Variants in SLC43A2 observed in about 807,000 individuals in gnomAD.
SLC43A2 encodes the protein large neutral amino acids transporter small subunit 4.
Under a neutral mutation model 63.2 loss-of-function variants are expected in SLC43A2, and 38 were observed. The observed-to-expected ratio is 0.60, with a 90% CI of 0.46 to 0.79. The LOEUF (loss-of-function observed/expected upper bound fraction) is 0.79, where lower values mean the gene tolerates loss of function less well. Ranked by LOEUF, SLC43A2 falls within the 30% of genes least tolerant of loss-of-function variation. The pLI, the probability that SLC43A2 is intolerant of heterozygous loss-of-function variation, is 0.00. For missense variants in SLC43A2, 644 were observed against 756.2 expected (o/e 0.85, Z 1.74); for synonymous variants, 322 against 331.0 (o/e 0.97, Z 0.30).
Position 1,622,698 on chromosome 17 carries a change from G to T in SLC43A2, c.160+5017C>A, listed in dbSNP as rs183962431. On this transcript the variant is annotated intron_variant, in intron 2 of 13. Coordinates refer to ENST00000301335, the MANE Select transcript of SLC43A2 (RefSeq NM_152346.3). ...GGAGGCCAAGGCTGGTAGATCACCT[G>T]AGGTCAGGAGTTTGAGACCAGCCTG... Among the ~76,000 whole-genome samples the T allele has an allele frequency of 3.5e-3, 527 of 152,246 alleles. 2 individuals carry two copies. The highest frequency in any genetic ancestry group is 0.011 in the African/African-American group (472 of 41,544).
rs1173226582 is a variant in SLC43A2, at chr17:1,569,839, A to G, written c.*5765T>C. ...GAGTTTCTTAAGGCTTTGCTCGGAGAGGGCTTCGGAGAAGGGTGGGGTCAG... is the reference window on the plus strand; with the variant it reads ...GAGTTTCTTAAGGCTTTGCTCGGAGGGGGCTTCGGAGAAGGGTGGGGTCAG... On this transcript the variant is annotated 3_prime_UTR_variant, in exon 14 of 14. Transcript: ENST00000301335. The G allele has an allele frequency of 1.4e-5, 2 of 146,230 alleles. No homozygotes were observed. Among genetic ancestry groups the G allele is most frequent in the African/African-American group, 5.1e-5 (2 of 39,578 alleles). 9.1% of individuals were successfully genotyped at this position (146,230 alleles called of 1,614,324 possible).
At chr17:1,586,946 TA>T in intron 9 of SLC43A2, 1 of 452,454 alleles carries the variant, frequency 2.2e-6, no homozygotes. Context: ...ACCCCCCGCT[TA>T]CCCGTGGCCA....
intron 12 of SLC43A2, 94 bp from the exon 13 acceptor site, chr17:1,576,814 G>A: frequency 6.8e-7 from 1 of 1,474,282 alleles, no homozygotes; most frequent in Non-Finnish European, 9.0e-7. Flanking sequence ...GTTGGTGCCA[G>A]AGAAGGGTGG....
chr17:1,623,641 T>C (rs565265803), intron 2 of SLC43A2, among the ~76,000 whole-genome samples: 379 of 141,148 alleles, frequency 2.7e-3, no homozygotes, highest in African/African-American at 0.01. Context: ...TCCTCCAGGC[T>C]GTACCCTCCT....
chr17:1,598,420 CAA>C (rs58628614), intron 5 of SLC43A2, among the ~76,000 whole-genome samples: 37 of 121,818 alleles, frequency 3.0e-4, no homozygotes, highest in African/African-American at 3.5e-4. Context: ...GACTCTGTCT[CAA>C]AAAAAAAAAA....
At chr17:1,590,076 G>C (rs754963233) in intron 9 of SLC43A2, among the ~76,000 whole-genome samples, 1 of 152,132 alleles carries the variant, frequency 6.6e-6, no homozygotes, top group Non-Finnish European at 1.5e-5. Context: ...GGAAACCATC[G>C]GAAAAAGTGG....
chr17:1,591,695 A>G lies in SLC43A2; in HGVS notation c.599T>C (p.Ile200Thr), dbSNP rs2151045533. ...GATGAAGGAGACACCAGCATCATAG[A>G]TGAGCTGACAGGCACCGCGGGGACG... ...SAVTFPGIKL[I>T]YDAGVSFIVV... Residue 200 changes from isoleucine (I) to threonine (T), a missense_variant, in exon 7 of 14, where the codon ATC becomes ACC. Ile to Thr is a moderately conservative substitution (Grantham distance 89, BLOSUM62 -1). Around this residue, in one of 3 missense-constraint regions of SLC43A2, gnomAD observed 528 missense variants for 623.6 expected, o/e 0.85. Coordinates refer to ENST00000301335, the MANE Select transcript of SLC43A2 (RefSeq NM_152346.3). 6.6e-6 allele frequency: 6 copies of G among 913,190 alleles called. No homozygotes were observed. In the East Asian group the frequency reaches 3.2e-4, roughly 49 times the overall value. The allele number at this position is 913,190 out of a possible 1,614,324, so 56.6% of individuals were successfully genotyped here. A position where few individuals can be genotyped will look rare whatever the true frequency, so the allele number is the denominator to read the frequency against.
At chr17:1,596,885 A>G (rs1905327811) in intron 5 of SLC43A2, among the ~76,000 whole-genome samples, 1 of 152,388 alleles carries the variant, frequency 6.6e-6, no homozygotes, top group East Asian at 1.9e-4. Context: ...AATCAAAGCC[A>G]CAATGAGATA....
At chr17:1,611,344 C>G (rs1229961869) in intron 5 of SLC43A2, among the ~76,000 whole-genome samples, 1 of 152,142 alleles carries the variant, frequency 6.6e-6, no homozygotes, top group African/African-American at 2.4e-5. Context: ...GAAAGAGCTG[C>G]TGGTTTTCGG....
chr17:1,591,719 CGGGGTGGGG>C lies in SLC43A2; in HGVS notation c.595-29_595-21del. 10 of 118,024 alleles carry C rather than the reference CGGGGTGGGG, an allele frequency of 8.5e-5. No individual in the cohort carries two copies. Among genetic ancestry groups the C allele is most frequent in the Non-Finnish European group, 1.6e-4 (9 of 55,396 alleles). 7.3% of individuals were successfully genotyped at this position (118,024 alleles called of 1,614,324 possible). ...GATGAGCTGACAGGCACCGCGGGGA[CGGGGTGGGG>C]GGGGGAGGGGGCAGAGTTAGCCCGG... On this transcript the variant is annotated intron_variant, in intron 6 of 13. Coordinates refer to ENST00000301335, the MANE Select transcript of SLC43A2 (RefSeq NM_152346.3).
intron 9 of SLC43A2, chr17:1,587,059 C>A: frequency 8.3e-7 from 1 of 1,199,570 alleles, no homozygotes; most frequent in Non-Finnish European, 1.1e-6. Context: ...AGGCTCACTC[C>A]ATGCCCAGCA....
intron 5 of SLC43A2, chr17:1,604,639 G>T: frequency 7.7e-7 from 1 of 1,295,028 alleles, no homozygotes. Flanking sequence ...CTCCTGAGCA[G>T]CTGAGACTAC....
At position 1,615,400 on chromosome 17, in the gene SLC43A2, G is replaced by A. The variant is rs575156546; in HGVS notation, c.369-366C>T. 1.4e-3 allele frequency among the ~76,000 whole-genome samples: 219 copies of A among 152,024 alleles called. 1 individual carries two copies. The highest frequency in any genetic ancestry group is 1.9e-3 in the Non-Finnish European group (128 of 67,990). On this transcript the variant is annotated intron_variant, in intron 3 of 13. Transcript: ENST00000301335. ...GCTGGGATTACCAGTGTAAGCCACC[G>A]TGCCCAGCCCATTTTCATTTATATT... is the stretch of plus-strand genomic sequence containing the variant.
At chr17:1,581,875 G>T (rs920485086) in intron 11 of SLC43A2, among the ~76,000 whole-genome samples, 2 of 140,590 alleles carry the variant, frequency 1.4e-5, no homozygotes, top group Non-Finnish European at 3.1e-5. Context: ...GCGCAATCTC[G>T]GCTCACTGCA....
At chr17:1,614,835 G>A (rs1567643501) in intron 4 of SLC43A2, 144 bp downstream of exon 4, 1 of 774,374 alleles carries the variant, frequency 1.3e-6, no homozygotes, top group East Asian at 2.7e-5. Context: ...ATAAGTAACT[G>A]AGTAGAGGCG....
chr17:1,577,102 G>T lies in SLC43A2; in HGVS notation c.1425-382C>A, dbSNP rs182540287. Among the ~76,000 whole-genome samples the T allele has an allele frequency of 5.8e-4, 88 of 152,262 alleles. No individual in the cohort carries two copies. The East Asian group carries it at 0.015, about 25-fold the overall frequency. On this transcript the variant is annotated intron_variant, in intron 12 of 13. Transcript: ENST00000301335. The surrounding 1 kb of genome is among the most constrained non-coding windows in gnomAD (Gnocchi z 4.9). ...GCTGGTCTCAAACTCCTGACCTTGTGATCTGCCTGCCTCGGCCTCCCAAAG... is the reference window on the plus strand; with the variant it reads ...GCTGGTCTCAAACTCCTGACCTTGTTATCTGCCTGCCTCGGCCTCCCAAAG...
rs148547690 is a variant in SLC43A2, at chr17:1,576,642, C to T, written c.1503G>A (p.Pro501=). 681 of 1,610,462 alleles carry T rather than the reference C, an allele frequency of 4.2e-4. 2 individuals are homozygous for T. The highest frequency in any genetic ancestry group is 5.2e-4 in the Non-Finnish European group (611 of 1,179,936). The change falls in exon 13 of 14, where the codon CCG becomes CCA. Residue 501 remains proline, a synonymous_variant. Transcript: ENST00000301335. The part of the protein sequence containing the change: ...ISALFALLQQ[P]LFLAMMGPLQ... Reference sequence around the variant, plus strand: ...GAGGACCCATCATGGCCAGAAACAGCGGCTGCTGCAGAAGGGCGAAGAGCG... The same window carrying T: ...GAGGACCCATCATGGCCAGAAACAGTGGCTGCTGCAGAAGGGCGAAGAGCG...
intron 5 of SLC43A2, among the ~76,000 whole-genome samples, chr17:1,602,077 C>T (rs1204804375): frequency 1.3e-5 from 2 of 152,232 alleles, no homozygotes; most frequent in African/African-American, 4.8e-5. Context: ...TGCACTGTGA[C>T]TACCCCAGGT....
intron 5 of SLC43A2, among the ~76,000 whole-genome samples, chr17:1,596,072 G>A (rs1184814360): frequency 6.6e-6 from 1 of 152,150 alleles, no homozygotes; most frequent in African/African-American, 2.4e-5. Context: ...TGTCATCCCC[G>A]CACTTTGGGA....
Sources: allele counts gnomAD v4.1 joint callset (sites outside exome capture counted in the v4.1 genomes callset), GRCh38; gene constraint gnomAD v4.1.1; regional missense constraint gnomAD v4.1.1; non-coding constraint Gnocchi (gnomAD v3.1); transcripts MANE v1.5; gene names NCBI Gene and HGNC (gene_info 2026-07-23, HGNC 2026-07-21).